The following UACA variants were observed in gnomAD, a reference collection of about 807,000 sequenced individuals.
UACA encodes nuclear membrane binding protein.
In UACA, 112 loss-of-function variants were observed where a neutral mutation model predicts 160.5. That is an observed-to-expected ratio of 0.70 (90% CI 0.60 to 0.82). The LOEUF (loss-of-function observed/expected upper bound fraction) is 0.82, where lower values mean the gene tolerates loss of function less well. Ranked by LOEUF, UACA falls within the 40% of genes least tolerant of loss-of-function variation. The probability of loss-of-function intolerance (pLI) is 0.00; values close to 1 mark genes in which losing one functional copy is unlikely to be tolerated. For missense variants in UACA, 1,574 were observed against 1,614.6 expected (o/e 0.97, Z 0.43); for synonymous variants, 557 against 568.4 (o/e 0.98, Z 0.29).
At chr15:70,666,369 T>C (rs749538813) in intron 16 of UACA, among the ~76,000 whole-genome samples, 16 of 152,092 alleles carry the variant, frequency 1.1e-4, no homozygotes, top group Non-Finnish European at 1.9e-4. Context: ...TGCTCCCCAG[T>C]GTTCTTGGTT....
chr15:70,769,663 C>T, the UACA span, among the ~76,000 whole-genome samples: 1 of 151,964 alleles, frequency 6.6e-6, no homozygotes, highest in East Asian at 1.9e-4. Flanking sequence ...TTAAGTAAAT[C>T]CTGATTTTTA....
intron 1 of UACA, among the ~76,000 whole-genome samples, chr15:70,762,422 TG>T (rs1268977630): frequency 6.6e-6 from 1 of 152,252 alleles, no homozygotes; most frequent in Non-Finnish European, 1.5e-5. Context: ...TCCAAGACTT[TG>T]TAAGTGGCAC....
chr15:70,660,480 ATGAACTTC>A, intron 17 of UACA: 1 of 406,312 alleles, frequency 2.5e-6, no homozygotes, highest in Non-Finnish European at 4.4e-6. Context: ...ATCTAGTGCC[ATGAACTTC>A]TGAAGACACT....
chr15:70,669,350 T>A lies in UACA; in HGVS notation c.1334A>T (p.Glu445Val), dbSNP rs750101761. The A allele has an allele frequency of 6.2e-7, 1 of 1,613,896 alleles. No individual in the cohort carries two copies. Among genetic ancestry groups the A allele is most frequent in the Non-Finnish European group, 8.5e-7 (1 of 1,179,952 alleles). The stretch of plus-strand genomic sequence containing the variant: ...ACAGAAAGTTCGCATTGCTTCTAAC[T>A]CTTTCTTTAAAATTTCATTTTCAGA... The part of the protein sequence containing the change: ...SYSENEILKK[E>V]LEAMRTFCES... The change falls in exon 16 of 19, where the codon GAG (glutamate) becomes GTG (valine). Residue 445 changes from glutamate to valine, a missense_variant. Physicochemically the swap from Glu to Val is moderately radical, Grantham distance 121. Transcript: ENST00000322954.
the UACA span, among the ~76,000 whole-genome samples, chr15:70,769,520 G>A: frequency 2.0e-5 from 3 of 150,822 alleles, no homozygotes; most frequent in African/African-American, 7.3e-5. Context: ...TCTGGATATA[G>A]AAATGTTATA....
rs776135225 is a variant in UACA at position 70,668,694 on chromosome 15, TTTCACTAAGTGA to T, written c.1978_1989del (p.Ser660_Glu663del). ...TCAAGTTCTCTCTTTAACTGTCTAA[TTTCACTAAGTGA>T]TTTTTCATGTTCTCTTTCCATTTCT... On this transcript the variant is annotated inframe_deletion, in exon 16 of 19. Coordinates refer to ENST00000322954, the MANE Select transcript of UACA (RefSeq NM_018003.4). The T allele has an allele frequency of 5.6e-6, 9 of 1,614,044 alleles. No homozygotes were observed. In the South Asian group the frequency reaches 9.9e-5, roughly 18 times the overall value.
intron 1 of UACA, chr15:70,702,410 G>A: frequency 1.5e-6 from 1 of 652,140 alleles, no homozygotes; most frequent in Non-Finnish European, 1.9e-6. Context: ...CTGAATGATA[G>A]AAAGGAGCAG....
chr15:70,682,518 A>T (rs140209386), intron 9 of UACA, among the ~76,000 whole-genome samples: 1 of 152,142 alleles, frequency 6.6e-6, no homozygotes, highest in Non-Finnish European at 1.5e-5. Flanking sequence ...TCAGGAGGCT[A>T]TCTCTTTCCC....
rs1398918298 is a variant in UACA at position 70,660,201 on chromosome 15, GCTGT to G, written c.4125_4128del (p.Arg1375SerfsTer5). 6 of 1,613,338 alleles carry G rather than the reference GCTGT, an allele frequency of 3.7e-6. No individual in the cohort carries two copies. The highest frequency in any genetic ancestry group is 1.3e-5 in the African/African-American group (1 of 74,904). Reference sequence around the variant, plus strand: ...CGATAAATTGCAATTACTTCTTGGTGCTGTCTGTCAGCATCCTAGAAATGTGGAA... The same window carrying G: ...CGATAAATTGCAATTACTTCTTGGTGCTGTCAGCATCCTAGAAATGTGGAA... On this transcript the variant is annotated frameshift_variant, in exon 18 of 19. Coordinates refer to ENST00000322954, the MANE Select transcript of UACA (RefSeq NM_018003.4). LOFTEE classifies it high-confidence loss of function.
chr15:70,774,648 T>C, the UACA span, among the ~76,000 whole-genome samples: 2 of 151,930 alleles, frequency 1.3e-5, no homozygotes, highest in African/African-American at 2.4e-5. Flanking sequence ...GTTGTATAAA[T>C]AAGTGTAAAA....
At chr15:70,757,794 T>A (rs967162553) in intron 1 of UACA, among the ~76,000 whole-genome samples, 7 of 152,098 alleles carry the variant, frequency 4.6e-5, no homozygotes, top group African/African-American at 1.4e-4. Flanking sequence ...AACTGTCCCA[T>A]CTTTGGGCAA....
intron 5 of UACA, among the ~76,000 whole-genome samples, chr15:70,689,812 A>C (rs944803150): frequency 6.6e-6 from 1 of 152,118 alleles, no homozygotes; most frequent in African/African-American, 2.4e-5. Context: ...AATGCAAATA[A>C]ATTTAGACAC....
Position 70,669,209 on chromosome 15 carries a change from A to T in UACA, c.1475T>A (p.Ile492Lys). ...ERVKEDSDEQIKQLEDALKDV... is the reference protein window; with the variant it reads ...ERVKEDSDEQKKQLEDALKDV... ...TTTTAATGCATCTTCTAATTGCTTT[A>T]TCTGTTCATCTGAATCCTCCTTGAC... Residue 492 changes from isoleucine (I) to lysine (K), a missense_variant, in exon 16 of 19, where the codon ATA (isoleucine) becomes AAA (lysine). Physicochemically the swap from Ile to Lys is moderately radical, Grantham distance 102. Transcript: ENST00000322954. 1.2e-6 allele frequency: 2 copies of T among 1,614,012 alleles called. No individual in the cohort carries two copies. Among genetic ancestry groups the T allele is most frequent in the Non-Finnish European group, 1.7e-6 (2 of 1,179,996 alleles).
chr15:70,720,729 G>C (rs1383171073), intron 1 of UACA, among the ~76,000 whole-genome samples: 1 of 152,170 alleles, frequency 6.6e-6, no homozygotes, highest in Admixed American at 6.5e-5. Context: ...CAATATTTGT[G>C]ATCAAGAGGA....
chr15:70,678,003 G>T, intron 11 of UACA, 96 bp downstream of exon 11: 1 of 872,294 alleles, frequency 1.1e-6, no homozygotes, highest in Non-Finnish European at 1.7e-6. Context: ...CCTCTGAAGT[G>T]CAATGAGCTA....
chr15:70,741,732 C>T (rs190916636), intron 1 of UACA, among the ~76,000 whole-genome samples: 18 of 152,214 alleles, frequency 1.2e-4, no homozygotes, highest in African/African-American at 3.6e-4. Flanking sequence ...TTTAATAAGT[C>T]AGTTCATGCA....
intron 1 of UACA, among the ~76,000 whole-genome samples, chr15:70,738,323 A>G (rs947495176): frequency 1.3e-5 from 2 of 151,746 alleles, no homozygotes; most frequent in Admixed American, 6.6e-5. Context: ...AGTTGTCAGA[A>G]TATTCTTTTA....
chr15:70,702,748 CT>C (rs989460107), intron 1 of UACA, among the ~76,000 whole-genome samples: 1 of 152,174 alleles, frequency 6.6e-6, no homozygotes, highest in African/African-American at 2.4e-5. Context: ...TTTTGTACCC[CT>C]ATCAGTCTCT....
At chr15:70,750,079 G>C (rs2029951277) in intron 1 of UACA, among the ~76,000 whole-genome samples, 1 of 152,110 alleles carries the variant, frequency 6.6e-6, no homozygotes, top group South Asian at 2.1e-4. Context: ...AACTTCTTCA[G>C]GGTTTCAGGT....
Sources: gnomAD v4.1 joint callset for allele counts (sites outside exome capture counted in the v4.1 genomes callset) on GRCh38, gnomAD v4.1.1 for gene constraint, MANE v1.5 for transcripts, NCBI Gene and HGNC (gene_info 2026-07-23, HGNC 2026-07-21) for gene names.